SLC39A6: variants seen among roughly 807,000 people sequenced by gnomAD.
SLC39A6 encodes the protein zinc transporter ZIP6.
In SLC39A6, 51 loss-of-function variants were observed where a neutral mutation model predicts 63.5. The observed-to-expected ratio is 0.80, with a 90% CI of 0.64 to 1.01. SLC39A6 has a LOEUF of 1.01. Among genes scored for constraint, SLC39A6 ranks in the 50% least tolerant of loss-of-function variants. The pLI is 0.00. For missense variants in SLC39A6, 805 were observed against 927.8 expected (o/e 0.87, Z 1.72); for synonymous variants, 318 against 324.7 (o/e 0.98, Z 0.22).
intron 4 of SLC39A6, 118 bp downstream of exon 4, chr18:36,123,377 A>C: frequency 1.1e-6 from 1 of 890,812 alleles, no homozygotes; most frequent in Non-Finnish European, 1.7e-6. Flanking sequence ...ATATTTTAAA[A>C]TAAGCTTTTC....
chr18:36,109,697 A>G lies in SLC39A6; in HGVS notation c.2164T>C (p.Trp722Arg), dbSNP rs770933479. Residue 722 changes from tryptophan to arginine, a missense_variant, in exon 10 of 10, where the codon TGG (tryptophan) becomes CGG (arginine). Physicochemically the swap from Trp to Arg is moderately radical, Grantham distance 101. Around this residue, in one of 4 missense-constraint regions of SLC39A6, gnomAD observed 145 missense variants for 227.2 expected, o/e 0.64. Coordinates refer to ENST00000269187, the MANE Select transcript of SLC39A6 (RefSeq NM_012319.4). ...GCATTCTGTAAAAAGAAATACCCCC[A>G]GCGGCTACATCCATGGTCACTAGCA... is the stretch of plus-strand genomic sequence containing the variant. ...NDASDHGCSR[W>R]GYFFLQNAGM... The G allele has an allele frequency of 1.9e-6, 3 of 1,612,776 alleles. No individual in the cohort carries two copies. Among genetic ancestry groups the G allele is most frequent in the Non-Finnish European group, 2.5e-6 (3 of 1,179,048 alleles).
intron 6 of SLC39A6, among the ~76,000 whole-genome samples, chr18:36,116,436 T>G (rs1298696616): frequency 6.6e-6 from 1 of 152,220 alleles, no homozygotes; most frequent in African/African-American, 2.4e-5. Flanking sequence ...AGGAATTCTT[T>G]GTACGATTCT....
At chr18:36,127,045 G>C (rs760547335) in intron 1 of SLC39A6, 29 bp from the exon 2 acceptor site, 7 of 1,542,278 alleles carry the variant, frequency 4.5e-6, no homozygotes, top group Non-Finnish European at 6.1e-6. Flanking sequence ...AAAAATTCTT[G>C]ACTCACTTCT....
intron 4 of SLC39A6, among the ~76,000 whole-genome samples, chr18:36,122,684 G>A (rs1345044290): frequency 1.3e-5 from 2 of 152,136 alleles, no homozygotes; most frequent in African/African-American, 2.4e-5. Context: ...GCATGTACCC[G>A]AGATCCAGGT....
In SLC39A6 at chr18:36,111,250, C is replaced by A; in HGVS notation, c.1925-1G>T. 6.2e-7 allele frequency: 1 copy of A among 1,610,782 alleles called. No individual in the cohort carries two copies. Among genetic ancestry groups the A allele is most frequent in the Non-Finnish European group, 8.5e-7 (1 of 1,178,444 alleles). On this transcript the variant is annotated splice_acceptor_variant, in intron 8 of 9. Transcript: ENST00000269187. LOFTEE classifies it high-confidence loss of function. ...GCCTTTAGTAGAACAGCAAAGTCAC[C>A]TTTAACAGAAAACAAAAAAGGAGGA...
chr18:36,119,296 G>A (rs1386518231), intron 5 of SLC39A6, among the ~76,000 whole-genome samples: 1 of 152,114 alleles, frequency 6.6e-6, no homozygotes, highest in African/African-American at 2.4e-5. Flanking sequence ...TGTAACATTT[G>A]CAAAACTCCT....
Position 36,126,275 on chromosome 18 carries a change from T to G in SLC39A6, c.733A>C (p.Ser245Arg), listed in dbSNP as rs762968140. 1.2e-6 allele frequency: 2 copies of G among 1,614,236 alleles called. No individual in the cohort carries two copies. The highest frequency in any genetic ancestry group is 8.5e-7 in the Non-Finnish European group (1 of 1,180,044). Reference protein sequence around the residue: ...LAGRKTNESVSEPRKGFMYSR... With the variant: ...LAGRKTNESVREPRKGFMYSR... ...TACATAAAGCCTTTTCGGGGCTCACTCACAGATTCATTTGTTTTCCTACCA... is the reference window on the plus strand; with the variant it reads ...TACATAAAGCCTTTTCGGGGCTCACGCACAGATTCATTTGTTTTCCTACCA... Residue 245 changes from serine to arginine, a missense_variant, in exon 2 of 10, where the codon AGT becomes CGT. Ser to Arg is a moderately radical substitution (Grantham distance 110, BLOSUM62 -1). Transcript: ENST00000269187.
chr18:36,122,560 T>C (rs1182763480), intron 4 of SLC39A6, among the ~76,000 whole-genome samples: 2 of 152,188 alleles, frequency 1.3e-5, no homozygotes, highest in Non-Finnish European at 2.9e-5. Flanking sequence ...ATAACAGGAA[T>C]ACTAGACTTA....
At chr18:36,116,078 C>T (rs1208800699) in intron 6 of SLC39A6, among the ~76,000 whole-genome samples, 1 of 152,098 alleles carries the variant, frequency 6.6e-6, no homozygotes, top group Non-Finnish European at 1.5e-5. Context: ...CTGAATTGTA[C>T]TCTGGAACAA....
In SLC39A6 at chr18:36,126,334, C is replaced by T; in HGVS notation, c.674G>A (p.Ser225Asn). The T allele has an allele frequency of 6.2e-7, 1 of 1,614,248 alleles. No individual in the cohort carries two copies. Among genetic ancestry groups the T allele is most frequent in the Non-Finnish European group, 8.5e-7 (1 of 1,180,054 alleles). The change falls in exon 2 of 10, where the codon AGT becomes AAT. Residue 225 changes from serine (S) to asparagine (N), a missense_variant. Physicochemically the swap from Ser to Asn is conservative, Grantham distance 46 (BLOSUM62 1). Around this residue, in one of 4 missense-constraint regions of SLC39A6, gnomAD observed 639 missense variants for 644.0 expected, o/e 0.99. Transcript: ENST00000269187. The part of the protein sequence containing the change: ...PKDVSSSTPP[S>N]VTSKSRVSRL... ...GCTCACCCGGCTCTTTGATGTGACA[C>T]TGGGTGGAGTGGAGCTGCTTACATC... is the stretch of plus-strand genomic sequence containing the variant.
chr18:36,113,136 C>A (rs2089314781), intron 7 of SLC39A6, among the ~76,000 whole-genome samples: 1 of 151,780 alleles, frequency 6.6e-6, no homozygotes, highest in South Asian at 2.1e-4. Flanking sequence ...ATTCTGTTGG[C>A]CAGGTTGGAG....
rs370944414 is a variant in SLC39A6, at chr18:36,114,457, G to A, written c.1483C>T (p.Arg495Ter). Reference protein sequence around the residue: ...DTDDRTEGYLRADSQEPSHFD... With the variant: ...DTDDRTEGYL The stretch of plus-strand genomic sequence containing the variant: ...TGGGAGGGCTCTTGTGAGTCTGCTC[G>A]TAAATAGCCTTCAGTTCCTAGGAAT... Residue 495 changes from arginine to a stop codon, truncating the protein, a stop_gained, in exon 7 of 10, where the codon CGA (arginine) becomes TGA (stop). Coordinates refer to ENST00000269187, the MANE Select transcript of SLC39A6 (RefSeq NM_012319.4). LOFTEE classifies it high-confidence loss of function. 5.0e-6 allele frequency: 8 copies of A among 1,611,856 alleles called. No individual in the cohort carries two copies. Among genetic ancestry groups the A allele is most frequent in the South Asian group, 1.1e-5 (1 of 90,962 alleles).
At position 36,109,011 on chromosome 18, in the gene SLC39A6, A is replaced by G. The variant is rs2089281012; in HGVS notation, c.*582T>C. The G allele has an allele frequency of 6.6e-6, 1 of 152,220 alleles. No individual in the cohort carries two copies. Among genetic ancestry groups the G allele is most frequent in the African/African-American group, 2.4e-5 (1 of 41,466 alleles). The allele number at this position is 152,220 out of a possible 1,614,324, so 9.4% of individuals were successfully genotyped here. A position where few individuals can be genotyped will look rare whatever the true frequency, so the allele number is the denominator to read the frequency against. ...AGTGCTCACTACGTTTTTACGGGAAATAATCCTGACAAAAATGTTTAATGA... is the reference window on the plus strand; with the variant it reads ...AGTGCTCACTACGTTTTTACGGGAAGTAATCCTGACAAAAATGTTTAATGA... On this transcript the variant is annotated 3_prime_UTR_variant, in exon 10 of 10. Transcript: ENST00000269187.
chr18:36,119,169 G>C (rs946428789), intron 5 of SLC39A6, among the ~76,000 whole-genome samples: 1 of 152,146 alleles, frequency 6.6e-6, no homozygotes, highest in Non-Finnish European at 1.5e-5. Context: ...ACAATATAAT[G>C]AGTAGTAGTT....
In SLC39A6 at chr18:36,112,598, C is replaced by T. The variant is rs773939670; in HGVS notation, c.1844-17G>A. On this transcript the variant is annotated splice_polypyrimidine_tract_variant and intron_variant, in intron 7 of 9. Coordinates refer to ENST00000269187, the MANE Select transcript of SLC39A6 (RefSeq NM_012319.4). ...AAGCAGCACCTGTGTAAAAATCAAT[C>T]AGAAAAAGTTTGGCTACATTAATTT... is the stretch of plus-strand genomic sequence containing the variant. 6 of 1,602,098 alleles carry T rather than the reference C, an allele frequency of 3.7e-6. No individual in the cohort carries two copies. The highest frequency in any genetic ancestry group is 5.1e-6 in the Non-Finnish European group (6 of 1,170,698).
intron 8 of SLC39A6, among the ~76,000 whole-genome samples, chr18:36,111,790 C>A (rs540397755): frequency 6.4e-4 from 97 of 152,214 alleles, no homozygotes; most frequent in Non-Finnish European, 1.0e-3. Context: ...TGGCCAGATA[C>A]CTTAACCAAA....
intron 2 of SLC39A6, 114 bp downstream of exon 2, chr18:36,126,105 T>C: frequency 1.9e-6 from 2 of 1,074,204 alleles, no homozygotes; most frequent in Non-Finnish European, 2.7e-6. Flanking sequence ...AAATTCCCTT[T>C]TCAATAACTT....
At position 36,114,077 on chromosome 18, in the gene SLC39A6, A is replaced by G. The variant is rs369137051; in HGVS notation, c.1843+20T>C. ...CATTTTCAGAATCAATCAACAAGGAACAAATATGTAGATATATACCAATTG... is the reference window on the plus strand; with the variant it reads ...CATTTTCAGAATCAATCAACAAGGAGCAAATATGTAGATATATACCAATTG... On this transcript the variant is annotated intron_variant, in intron 7 of 9. Coordinates refer to ENST00000269187, the MANE Select transcript of SLC39A6 (RefSeq NM_012319.4). 4.0e-5 allele frequency: 62 copies of G among 1,543,788 alleles called. No individual in the cohort carries two copies. Among genetic ancestry groups the G allele is most frequent in the Middle Eastern group, 1.8e-4 (1 of 5,714 alleles).
rs770666255 is a variant in SLC39A6, at chr18:36,124,714, A to G, written c.790-14T>C. The G allele has an allele frequency of 6.6e-7, 1 of 1,517,156 alleles. No homozygotes were observed. The highest frequency in any genetic ancestry group is 2.3e-5 in the East Asian group (1 of 43,578). 94.0% of individuals were successfully genotyped at this position (1,517,156 alleles called of 1,614,324 possible). A position where few individuals can be genotyped will look rare whatever the true frequency, so the allele number is the denominator to read the frequency against. On this transcript the variant is annotated splice_polypyrimidine_tract_variant and intron_variant, in intron 2 of 9. Transcript: ENST00000269187. Reference sequence around the variant, plus strand: ...TGCATTGAAACACTGAAAGAAACAAAGCAGTGAAAATCACCAAAAGCCATC... The same window carrying G: ...TGCATTGAAACACTGAAAGAAACAAGGCAGTGAAAATCACCAAAAGCCATC...
Sources: allele counts gnomAD v4.1 joint callset (sites outside exome capture counted in the v4.1 genomes callset), GRCh38; gene constraint gnomAD v4.1.1; regional missense constraint gnomAD v4.1.1; transcripts MANE v1.5; gene names NCBI Gene and HGNC (gene_info 2026-07-23, HGNC 2026-07-21).